Variants in PCDHGA2 observed in about 807,000 individuals in gnomAD.
PCDHGA2 encodes the protein protocadherin gamma-A2.
PCDHGA2 carries 40 observed loss-of-function variants against 59.2 expected under a neutral mutation model. That is an observed-to-expected ratio of 0.68 (90% CI 0.52 to 0.88). The LOEUF is 0.88. Among genes scored for constraint, PCDHGA2 ranks in the 40% least tolerant of loss-of-function variants. PCDHGA2 has a pLI of 0.00. For missense variants in PCDHGA2, 1,226 were observed against 1,204.0 expected (o/e 1.02, Z -0.27); for synonymous variants, 560 against 526.0 (o/e 1.06, Z -0.89).
intron 1 of PCDHGA2, chr5:141,385,038 G>C (rs377185831): frequency 4.3e-6 from 7 of 1,614,138 alleles, no homozygotes; most frequent in Non-Finnish European, 5.9e-6. Flanking sequence ...TACTGCTGGC[G>C]CTCAGGCTGC....
At chr5:141,426,048 A>G (rs2096911760) in intron 1 of PCDHGA2, among the ~76,000 whole-genome samples, 1 of 152,182 alleles carries the variant, frequency 6.6e-6, no homozygotes, top group Non-Finnish European at 1.5e-5. Context: ...CTGTTGGCCA[A>G]TGTGCTGCAA....
intron 1 of PCDHGA2, among the ~76,000 whole-genome samples, chr5:141,453,673 AC>A (rs1459216908): frequency 6.6e-6 from 1 of 152,230 alleles, no homozygotes; most frequent in African/African-American, 2.4e-5. Flanking sequence ...ACAAAAGGTA[AC>A]ACACTATGTA....
Position 141,339,927 on chromosome 5 carries a change from T to TTGAA in PCDHGA2, c.957_960dup (p.Ala321Ter). On this transcript the variant is annotated frameshift_variant, in exon 1 of 4. Transcript: ENST00000394576. LOFTEE classifies it high-confidence loss of function. Reference sequence around the variant, plus strand: ...GATGCTACATTCCATGAAATTGATATTGAAGCTCAGGATGGTCCGGGCCTT... The same window carrying TTGAA: ...GATGCTACATTCCATGAAATTGATATTGAATGAAGCTCAGGATGGTCCGGGCCTT... 2 of 1,614,160 alleles carry TTGAA rather than the reference T, an allele frequency of 1.2e-6. No individual in the cohort carries two copies. Among genetic ancestry groups the TTGAA allele is most frequent in the Non-Finnish European group, 1.7e-6 (2 of 1,180,004 alleles).
Position 141,341,242 on chromosome 5 carries a change from C to A in PCDHGA2, c.2271C>A (p.Val757=), listed in dbSNP as rs1422024298. 2.5e-6 allele frequency: 4 copies of A among 1,614,250 alleles called. No individual in the cohort carries two copies. The highest frequency in any genetic ancestry group is 3.4e-6 in the Non-Finnish European group (4 of 1,180,054). Reference sequence around the variant, plus strand: ...TCCTGCAGACCTATTCCCACGAGGTCTCCCTCACTGCGGACTCGCGGAAGA... The same window carrying A: ...TCCTGCAGACCTATTCCCACGAGGTATCCCTCACTGCGGACTCGCGGAAGA... ...RAFLQTYSHE[V]SLTADSRKSH... The change falls in exon 1 of 4, where the codon GTC becomes GTA. Residue 757 remains valine, a synonymous_variant. Transcript: ENST00000394576.
At chr5:141,415,966 C>A in intron 1 of PCDHGA2, 1 of 405,602 alleles carries the variant, frequency 2.5e-6, no homozygotes, top group East Asian at 5.2e-5. Context: ...AAACTCCAGC[C>A]CCTTAAGCAA....
chr5:141,374,277 G>A, intron 1 of PCDHGA2: 4 of 1,613,958 alleles, frequency 2.5e-6, no homozygotes, highest in Non-Finnish European at 3.4e-6. Context: ...CACGGAGTCC[G>A]CATCGTCTCC....
chr5:141,371,850 C>T (rs1366445794), intron 1 of PCDHGA2: 5 of 1,613,540 alleles, frequency 3.1e-6, no homozygotes, highest in Admixed American at 1.7e-5. Context: ...ACCTAATGGC[C>T]TTGTCTCCTA....
At position 141,338,931 on chromosome 5, in the gene PCDHGA2, A is replaced by G. The variant is rs1482262592; in HGVS notation, c.-41A>G. The G allele has an allele frequency of 2.0e-6, 3 of 1,522,130 alleles. No individual in the cohort carries two copies. In the South Asian group the frequency reaches 4.0e-5, roughly 20 times the overall value. The allele number at this position is 1,522,130 out of a possible 1,614,324, so 94.3% of individuals were successfully genotyped here. A position where few individuals can be genotyped will look rare whatever the true frequency, so the allele number is the denominator to read the frequency against. ...GAATAAAGATTGGAATCCGCACTGG[A>G]TGCTGGAAGTTGACTCGGAGAAAAT... On this transcript the variant is annotated 5_prime_UTR_variant, in exon 1 of 4. An upstream start codon of the reference 5' UTR is lost. Coordinates refer to ENST00000394576, the MANE Select transcript of PCDHGA2 (RefSeq NM_018915.4).
At position 141,415,266 on chromosome 5, in the gene PCDHGA2, G is replaced by C. The variant is rs371754316; in HGVS notation, c.2424+73871G>C. 49 of 1,614,100 alleles carry C rather than the reference G, an allele frequency of 3.0e-5. No individual in the cohort carries two copies. The African/African-American group carries it at 6.4e-4, about 21-fold the overall frequency. On this transcript the variant is annotated intron_variant, in intron 1 of 3. Transcript: ENST00000394576. ...AAACCTCAGACCTCACTCTGTACCT[G>C]GTGGTAGCGGTGGCCGCGGTCTCCT...
At chr5:141,427,239 G>C (rs1160872088) in intron 1 of PCDHGA2, 1 of 456,746 alleles carries the variant, frequency 2.2e-6, no homozygotes, top group East Asian at 6.9e-5. Flanking sequence ...GAGAGTAGAA[G>C]CTAAGGATGG....
At position 141,413,842 on chromosome 5, in the gene PCDHGA2, G is replaced by T. The variant is rs1181086477; in HGVS notation, c.2424+72447G>T. 6.2e-6 allele frequency: 10 copies of T among 1,613,176 alleles called. No homozygotes were observed. In the Admixed American group the frequency reaches 1.7e-4, roughly 27 times the overall value. The stretch of plus-strand genomic sequence containing the variant: ...GGTCCTCACCGCCTCCGACGGGGGT[G>T]ACCCTCTCCGATCTGGCACTGTCCT... On this transcript the variant is annotated intron_variant, in intron 1 of 3. Transcript: ENST00000394576.
intron 1 of PCDHGA2, among the ~76,000 whole-genome samples, chr5:141,430,143 A>C (rs1451633366): frequency 2.0e-5 from 3 of 152,180 alleles, no homozygotes; most frequent in Non-Finnish European, 4.4e-5. Flanking sequence ...TCCATTCAGG[A>C]TCATTCAAGG....
rs145627101 is a variant in PCDHGA2, at chr5:141,341,005, C to A, written c.2034C>A (p.Leu678=). 8 of 1,613,988 alleles carry A rather than the reference C, an allele frequency of 5.0e-6. No homozygotes were observed. In the African/African-American group the frequency reaches 8.0e-5, roughly 16 times the overall value. ...IPDILADLGS[L]EPSAIPNDSD... is the part of the protein sequence containing the mutation. ...ACATCCTGGCCGACCTGGGCAGCCT[C>A]GAGCCCTCCGCCATACCCAACGATT... Residue 678 remains leucine (L), a synonymous_variant, in exon 1 of 4, where the codon CTC becomes CTA. Coordinates refer to ENST00000394576, the MANE Select transcript of PCDHGA2 (RefSeq NM_018915.4).
At position 141,486,090 on chromosome 5, in the gene PCDHGA2, G is replaced by C. The variant is rs190955361; in HGVS notation, c.2425-8717G>C. On this transcript the variant is annotated intron_variant, in intron 1 of 3. Transcript: ENST00000394576. The surrounding 1 kb of genome is among the most constrained non-coding windows in gnomAD (Gnocchi z 5.0). ...ACTACTGGAAAGCTTACTCTTTTGG[G>C]GCCCCTAGACTTTGAGAGTGAGAAT... 4 of 1,614,086 alleles carry C rather than the reference G, an allele frequency of 2.5e-6. No individual in the cohort carries two copies. The Admixed American group carries it at 6.7e-5, about 27-fold the overall frequency.
intron 1 of PCDHGA2, among the ~76,000 whole-genome samples, chr5:141,456,052 C>T (rs2098841739): frequency 1.3e-5 from 2 of 151,970 alleles, no homozygotes; most frequent in South Asian, 4.1e-4. Flanking sequence ...CGCCCACCAC[C>T]ACGTCCGGCT....
intron 1 of PCDHGA2, chr5:141,346,673 A>C (rs1245560400): frequency 2.9e-6 from 2 of 696,314 alleles, no homozygotes; most frequent in African/African-American, 3.6e-5. Flanking sequence ...ATACATCGTG[A>C]GTGAAAGTAA....
At chr5:141,423,750 T>TGG (rs144521096) in intron 1 of PCDHGA2, 9,462 of 287,056 alleles carry the variant, frequency 0.033, 140 homozygotes, top group African/African-American at 0.097. Flanking sequence ...GAAAACTGTT[T>TGG]GGGGGGGGGG....
intron 1 of PCDHGA2, chr5:141,404,905 GC>G (rs762314174): frequency 6.2e-6 from 10 of 1,613,910 alleles, no homozygotes; most frequent in Middle Eastern, 1.7e-4. Context: ...ACCATGGCCA[GC>G]CCCCTCTCTC....
At chr5:141,365,681 A>C in intron 1 of PCDHGA2, 2 of 1,613,224 alleles carry the variant, frequency 1.2e-6, no homozygotes, top group Non-Finnish European at 8.5e-7. Flanking sequence ...CAACCCACCC[A>C]ATTTCCCTCA....
Sources: gnomAD v4.1 joint callset for allele counts (sites outside exome capture counted in the v4.1 genomes callset) on GRCh38, gnomAD v4.1.1 for gene constraint, Gnocchi (gnomAD v3.1) non-coding constraint, MANE v1.5 for transcripts, NCBI Gene and HGNC (gene_info 2026-07-23, HGNC 2026-07-21) for gene names.